The following SCAPER variants were observed in gnomAD, a reference collection of about 807,000 sequenced individuals.
SCAPER encodes the protein S-phase cyclin A associated protein in the ER.
Under a neutral mutation model 182.2 loss-of-function variants are expected in SCAPER, and 98 were observed. The observed-to-expected ratio is 0.54, with a 90% CI of 0.46 to 0.64. The LOEUF (loss-of-function observed/expected upper bound fraction) is 0.64. Ranked by LOEUF, SCAPER falls within the 30% of genes least tolerant of loss-of-function variation. The pLI is 0.00. For synonymous variants in SCAPER, 605 were observed against 564.6 expected, an observed-to-expected ratio of 1.07 and a Z score of -1.01; for missense variants, 1,432 against 1,690.0, an observed-to-expected ratio of 0.85 and a Z score of 2.68.
intron 6 of SCAPER, among the ~76,000 whole-genome samples, chr15:76,802,378 T>A (rs1017095105): frequency 6.6e-6 from 1 of 152,064 alleles, no homozygotes; most frequent in Non-Finnish European, 1.5e-5. Context: ...CAGCCACAAG[T>A]CCCAAATCAG....
At chr15:76,504,833 A>G in intron 24 of SCAPER, 26 bp downstream of exon 24, 1 of 1,553,420 alleles carries the variant, frequency 6.4e-7, no homozygotes, top group Non-Finnish European at 8.7e-7. Flanking sequence ...TGAAACGTAA[A>G]AAATAGATTA....
chr15:76,732,894 A>T (rs932687087), intron 16 of SCAPER, among the ~76,000 whole-genome samples: 3 of 152,176 alleles, frequency 2.0e-5, no homozygotes, highest in Admixed American at 1.3e-4. Context: ...TCTCTGCCTC[A>T]GCTGCCAGGC....
At chr15:76,620,253 A>G (rs373438999) in intron 22 of SCAPER, among the ~76,000 whole-genome samples, 2 of 152,296 alleles carry the variant, frequency 1.3e-5, no homozygotes, top group East Asian at 1.9e-4. Flanking sequence ...AGTTTCCCTA[A>G]TTAACCTCAT....
intron 23 of SCAPER, among the ~76,000 whole-genome samples, chr15:76,573,727 A>G (rs2047617146): frequency 6.6e-6 from 1 of 152,144 alleles, no homozygotes; most frequent in Non-Finnish European, 1.5e-5. Flanking sequence ...TATAATTGAG[A>G]TATTTAATGA....
intron 26 of SCAPER, among the ~76,000 whole-genome samples, chr15:76,421,033 G>C (rs930919585): frequency 1.3e-5 from 2 of 152,204 alleles, no homozygotes; most frequent in Admixed American, 1.3e-4. Context: ...ATGTACATCT[G>C]GGTTGGTTCC....
intron 22 of SCAPER, among the ~76,000 whole-genome samples, chr15:76,592,071 A>C (rs927527392): frequency 1.3e-5 from 2 of 151,908 alleles, no homozygotes; most frequent in Non-Finnish European, 2.9e-5. Context: ...CAAAAAATGT[A>C]TATCTATCTA....
At chr15:76,533,759 T>C (rs1453727885) in intron 23 of SCAPER, among the ~76,000 whole-genome samples, 1 of 152,042 alleles carries the variant, frequency 6.6e-6, no homozygotes, top group East Asian at 1.9e-4. Flanking sequence ...ATAGTTGACA[T>C]GACCACTGTG....
chr15:76,541,224 A>AT (rs953742735), intron 23 of SCAPER, among the ~76,000 whole-genome samples: 15 of 125,854 alleles, frequency 1.2e-4, no homozygotes, highest in Non-Finnish European at 2.9e-4. Flanking sequence ...GTTTTATTAA[A>AT]AAATATATAT....
intron 25 of SCAPER, among the ~76,000 whole-genome samples, chr15:76,466,424 T>C (rs867458526): frequency 9.2e-5 from 11 of 119,018 alleles, no homozygotes; most frequent in African/African-American, 3.6e-4. Flanking sequence ...TTCTTCTTTT[T>C]TTTTTTTTTT....
At chr15:76,413,677 C>T (rs2045454362) in intron 26 of SCAPER, among the ~76,000 whole-genome samples, 1 of 152,198 alleles carries the variant, frequency 6.6e-6, no homozygotes, top group Non-Finnish European at 1.5e-5. Context: ...AAAGGTTGAA[C>T]AGGTCTATTT....
intron 31 of SCAPER, 36 bp downstream of exon 31, chr15:76,351,201 A>C (rs1454998463): frequency 1.3e-6 from 2 of 1,581,318 alleles, no homozygotes; most frequent in Non-Finnish European, 1.7e-6. Context: ...CATTTGGCTA[A>C]CAAACACATG....
chr15:76,781,174 C>A (rs937339295), intron 8 of SCAPER, among the ~76,000 whole-genome samples: 3 of 152,110 alleles, frequency 2.0e-5, no homozygotes, highest in Admixed American at 6.5e-5. Flanking sequence ...CTAGAATGAA[C>A]AGTGGAGAGA....
At chr15:76,697,521 GAAAT>G (rs1373340537) in intron 20 of SCAPER, among the ~76,000 whole-genome samples, 2 of 152,068 alleles carry the variant, frequency 1.3e-5, no homozygotes, top group African/African-American at 4.8e-5. Context: ...TTTTCTCACT[GAAAT>G]AAAAACATGC....
intron 30 of SCAPER, among the ~76,000 whole-genome samples, chr15:76,351,855 A>G (rs978407109): frequency 3.9e-5 from 6 of 152,226 alleles, no homozygotes; most frequent in African/African-American, 7.2e-5. Flanking sequence ...ATTTATAGAA[A>G]AACACTTGAT....
chr15:76,657,858 T>G (rs1248845098), intron 21 of SCAPER, among the ~76,000 whole-genome samples: 1 of 152,138 alleles, frequency 6.6e-6, no homozygotes, highest in East Asian at 1.9e-4. Flanking sequence ...TTCAATAAAA[T>G]TCAACATCGC....
At position 76,857,778 on chromosome 15, in the gene SCAPER, T is replaced by C. The variant is rs2071528195; in HGVS notation, c.195+31A>G. On this transcript the variant is annotated intron_variant, in intron 4 of 31. Coordinates refer to ENST00000563290, the MANE Select transcript of SCAPER (RefSeq NM_020843.4). ...TACATTCAGAAATTGAAATTAAAAG[T>C]AAATAAGTAAAAAAGTTATAGATGC... The C allele has an allele frequency of 2.2e-6, 3 of 1,334,040 alleles. No homozygotes were observed. The African/African-American group carries it at 4.4e-5, about 20-fold the overall frequency. The allele number at this position is 1,334,040 out of a possible 1,614,324, so 82.6% of individuals were successfully genotyped here.
At chr15:76,871,742 C>T (rs1215793058) in intron 2 of SCAPER, among the ~76,000 whole-genome samples, 2 of 151,810 alleles carry the variant, frequency 1.3e-5, no homozygotes, top group Non-Finnish European at 2.9e-5. Flanking sequence ...AGGCACACGC[C>T]ACCATGCTCG....
chr15:76,725,519 G>C (rs1225415142), intron 17 of SCAPER, among the ~76,000 whole-genome samples: 12 of 151,468 alleles, frequency 7.9e-5, no homozygotes, highest in Admixed American at 7.9e-4. Context: ...AAATGCACAT[G>C]AATCTCAAAG....
At chr15:76,828,904 G>C (rs573832016) in intron 5 of SCAPER, among the ~76,000 whole-genome samples, 5 of 152,240 alleles carry the variant, frequency 3.3e-5, no homozygotes, top group Admixed American at 2.0e-4. Context: ...ACAGTGAAAA[G>C]CATTTAAGGG....
Sources: allele counts gnomAD v4.1 joint callset (sites outside exome capture counted in the v4.1 genomes callset), GRCh38; gene constraint gnomAD v4.1.1; transcripts MANE v1.5; gene names NCBI Gene and HGNC (gene_info 2026-07-23, HGNC 2026-07-21).